Variants in ACSS1 observed in about 807,000 individuals in gnomAD.
ACSS1 encodes acetyl-coenzyme A synthetase 2-like, mitochondrial.
ACSS1 carries 42 observed loss-of-function variants against 75.3 expected under a neutral mutation model. That is an observed-to-expected ratio of 0.56 (90% confidence interval 0.44 to 0.72). The LOEUF is 0.72. Ranked by LOEUF, ACSS1 falls within the 30% of genes least tolerant of loss-of-function variation. The pLI, the probability that ACSS1 is intolerant of heterozygous loss-of-function variation, is 0.00. For missense variants in ACSS1, 782 were observed against 935.7 expected, an observed-to-expected ratio of 0.84 and a Z score of 2.14; for synonymous variants, 380 against 376.8, an observed-to-expected ratio of 1.01 and a Z score of -0.10.
At chr20:25,027,533 A>T (rs1227101830) in intron 3 of ACSS1, among the ~76,000 whole-genome samples, 1 of 152,210 alleles carries the variant, frequency 6.6e-6, no homozygotes, top group African/African-American at 2.4e-5. Context: ...ATGAAGGAAA[A>T]AACACATCTC....
At chr20:25,012,177 C>T (rs550486020) in intron 12 of ACSS1, 9 of 267,956 alleles carry the variant, frequency 3.4e-5, no homozygotes, top group Admixed American at 2.5e-4. Context: ...CCAGAGCACA[C>T]TCTGGCACAC....
At chr20:25,019,905 A>G in intron 7 of ACSS1, 105 bp downstream of exon 7, 1 of 1,523,734 alleles carries the variant, frequency 6.6e-7, no homozygotes, top group South Asian at 1.2e-5. Flanking sequence ...GAATTCACAC[A>G]TACAAAGCCG....
chr20:25,015,999 G>A (rs1309503856), intron 7 of ACSS1, among the ~76,000 whole-genome samples: 1 of 152,206 alleles, frequency 6.6e-6, no homozygotes, highest in Non-Finnish European at 1.5e-5. Context: ...GCTATGTAAA[G>A]GGTGTCCTCA....
intron 2 of ACSS1, among the ~76,000 whole-genome samples, chr20:25,043,590 C>A (rs2089039323): frequency 6.6e-6 from 1 of 152,202 alleles, no homozygotes; most frequent in South Asian, 2.1e-4. Flanking sequence ...TTGGGGGAGG[C>A]CTGACATCCC....
At chr20:25,023,173 C>T in intron 4 of ACSS1, 81 bp from the exon 5 acceptor site, 2 of 1,489,514 alleles carry the variant, frequency 1.3e-6, no homozygotes, top group Admixed American at 2.1e-5. Flanking sequence ...CAGCAGGACT[C>T]CACACACAGG....
intron 1 of ACSS1, among the ~76,000 whole-genome samples, chr20:25,050,398 G>A (rs112538273): frequency 0.02 from 3,104 of 151,962 alleles, 117 homozygotes; most frequent in African/African-American, 0.07. Flanking sequence ...CATCCCCCCC[G>A]GGAGCTGGTC....
intron 1 of ACSS1, among the ~76,000 whole-genome samples, chr20:25,054,422 C>T (rs2089215737): frequency 6.6e-6 from 1 of 152,238 alleles, no homozygotes; most frequent in South Asian, 2.1e-4. Context: ...GAGTGCCTTA[C>T]AAGCATTTCC....
At chr20:25,016,194 C>A (rs1320650747) in intron 7 of ACSS1, among the ~76,000 whole-genome samples, 3 of 152,146 alleles carry the variant, frequency 2.0e-5, no homozygotes, top group Non-Finnish European at 4.4e-5. Flanking sequence ...TGTGATCCCA[C>A]CCAGCTGAGG....
At chr20:25,028,119 T>A (rs892108589) in intron 3 of ACSS1, among the ~76,000 whole-genome samples, 2 of 152,214 alleles carry the variant, frequency 1.3e-5, no homozygotes, top group African/African-American at 4.8e-5. Flanking sequence ...AAAGAAATTT[T>A]AAAATACTTA....
intron 1 of ACSS1, among the ~76,000 whole-genome samples, chr20:25,055,308 A>C (rs1600355719): frequency 6.6e-6 from 1 of 152,254 alleles, no homozygotes; most frequent in Non-Finnish European, 1.5e-5. Flanking sequence ...ATTCAGTTAC[A>C]TACGGCCCTT....
chr20:25,032,851 C>G (rs1347597252), intron 2 of ACSS1: 1 of 291,682 alleles, frequency 3.4e-6, no homozygotes, highest in African/African-American at 2.3e-5. Context: ...AGAACCAGAT[C>G]GCAAGGCCAG....
chr20:25,032,174 G>T (rs1012265756), intron 2 of ACSS1, among the ~76,000 whole-genome samples: 4 of 152,348 alleles, frequency 2.6e-5, no homozygotes, highest in Admixed American at 2.0e-4. Context: ...CGTTGCCTAT[G>T]TCTATGGTGT....
At chr20:25,032,683 C>G (rs2088847556) in intron 2 of ACSS1, 2 of 1,197,000 alleles carry the variant, frequency 1.7e-6, no homozygotes, top group African/African-American at 1.6e-5. Flanking sequence ...CTCCTCTGTT[C>G]AAAGGGTAGT....
rs773719841 is a variant in ACSS1 at position 25,014,077 on chromosome 20, C to T, written c.1340-4G>A. ...GCGATGCAGATGCCACCTGTTTCTGCAGGTATGACAAGAAAGAAATGCATA... is the reference window on the plus strand; with the variant it reads ...GCGATGCAGATGCCACCTGTTTCTGTAGGTATGACAAGAAAGAAATGCATA... On this transcript the variant is annotated splice_region_variant and splice_polypyrimidine_tract_variant and intron_variant, in intron 8 of 13. Transcript: ENST00000323482. 2.5e-6 allele frequency: 4 copies of T among 1,600,032 alleles called. No homozygotes were observed. In the Admixed American group the frequency reaches 6.9e-5, roughly 27 times the overall value.
intron 1 of ACSS1, among the ~76,000 whole-genome samples, chr20:25,056,440 T>C (rs375434276): frequency 1.3e-5 from 2 of 152,188 alleles, no homozygotes; most frequent in Admixed American, 1.3e-4. Context: ...AGCAAAGTAA[T>C]ATACAATTTC....
intron 2 of ACSS1, among the ~76,000 whole-genome samples, chr20:25,040,231 A>T (rs2088979160): frequency 6.6e-6 from 1 of 152,182 alleles, no homozygotes; most frequent in Non-Finnish European, 1.5e-5. Context: ...GTCTCTCTGA[A>T]TGGCTCTACC....
intron 2 of ACSS1, chr20:25,032,527 A>G (rs2088844611): frequency 8.0e-7 from 1 of 1,256,230 alleles, no homozygotes; most frequent in South Asian, 3.3e-5. Context: ...AAAAGAGCTA[A>G]CACAGAACGA....
chr20:25,035,516 C>T (rs181293771), intron 2 of ACSS1, among the ~76,000 whole-genome samples: 235 of 152,228 alleles, frequency 1.5e-3, no homozygotes, highest in African/African-American at 5.3e-3. Context: ...AGGGATTCTC[C>T]TGCCTCAGCC....
intron 1 of ACSS1, among the ~76,000 whole-genome samples, chr20:25,053,843 A>G (rs2089208949): frequency 6.6e-6 from 1 of 152,246 alleles, no homozygotes; most frequent in Admixed American, 6.5e-5. Flanking sequence ...ACTGAAAAAC[A>G]TCACTTAAAA....
Sources: allele counts gnomAD v4.1 joint callset (sites outside exome capture counted in the v4.1 genomes callset), GRCh38; gene constraint gnomAD v4.1.1; transcripts MANE v1.5; gene names NCBI Gene and HGNC (gene_info 2026-07-23, HGNC 2026-07-21).